Variants in ATXN1 observed in about 807,000 individuals in gnomAD.
ATXN1 encodes ataxin-1.
In ATXN1, 8 loss-of-function variants were observed where a neutral mutation model predicts 56.4. The observed-to-expected ratio is 0.14, with a 90% CI of 0.08 to 0.26. ATXN1 has a LOEUF of 0.26. Among genes scored for constraint, ATXN1 ranks in the 10% least tolerant of loss-of-function variants. ATXN1 has a pLI of 1.00. For synonymous variants in ATXN1, 514 were observed against 494.6 expected (o/e 1.04, Z -0.52); for missense variants, 987 against 1,106.5 (o/e 0.89, Z 1.53).
chr6:16,471,075 G>A (rs9477138), intron 6 of ATXN1, among the ~76,000 whole-genome samples: 2 of 151,974 alleles, frequency 1.3e-5, no homozygotes, highest in African/African-American at 2.4e-5. Flanking sequence ...AACAAACTGC[G>A]CCTACTTTGA....
chr6:16,730,487 G>GTGTATGTATATATATA (rs141836403), intron 2 of ATXN1, among the ~76,000 whole-genome samples: 1 of 132,060 alleles, frequency 7.6e-6, no homozygotes, highest in Admixed American at 7.7e-5. Flanking sequence ...AAAACAGTAT[G>GTGTATGTATATATATA]TATATATATA....
intron 6 of ATXN1, among the ~76,000 whole-genome samples, chr6:16,446,051 G>A: frequency 6.6e-6 from 1 of 151,724 alleles, no homozygotes; most frequent in Non-Finnish European, 1.5e-5. Flanking sequence ...TAATGGGATG[G>A]CTGGGTCAAA....
chr6:16,325,181 G>C (rs1427124484), intron 7 of ATXN1, among the ~76,000 whole-genome samples: 3 of 151,016 alleles, frequency 2.0e-5, no homozygotes. Flanking sequence ...GCAGTGGCCT[G>C]ATCTCGGCTC....
At chr6:16,452,330 C>A (rs530593099) in intron 6 of ATXN1, among the ~76,000 whole-genome samples, 2 of 152,248 alleles carry the variant, frequency 1.3e-5, no homozygotes, top group East Asian at 3.9e-4. Flanking sequence ...GTTACAAATA[C>A]GGTTCAGAAT....
chr6:16,613,271 CAAAA>C (rs765813165), intron 3 of ATXN1, among the ~76,000 whole-genome samples: 143 of 52,500 alleles, frequency 2.7e-3, no homozygotes, highest in African/African-American at 9.0e-3. Context: ...GACTCCGTCT[CAAAA>C]AAAAAAAAAA....
intron 6 of ATXN1, among the ~76,000 whole-genome samples, chr6:16,379,071 T>C (rs1762200367): frequency 6.6e-6 from 1 of 152,246 alleles, no homozygotes. Flanking sequence ...GATGGAATAC[T>C]ACTCAGCCAT....
Position 16,367,210 on chromosome 6 carries a change from G to C in ATXN1, c.-160-38740C>G, listed in dbSNP as rs147893117. ...AGTTGCTATTAATCATTGACATATT[G>C]ATAGTGTGGGGGTAACACTGCGTAT... On this transcript the variant is annotated intron_variant, in intron 6 of 7. Transcript: ENST00000436367. Among the ~76,000 whole-genome samples, 27 of 152,276 alleles carry C rather than the reference G, an allele frequency of 1.8e-4. No individual in the cohort carries two copies. In the East Asian group the frequency reaches 5.2e-3, roughly 29 times the overall value.
chr6:16,722,899 G>A (rs1486076194), intron 2 of ATXN1, among the ~76,000 whole-genome samples: 1 of 152,138 alleles, frequency 6.6e-6, no homozygotes, highest in Non-Finnish European at 1.5e-5. Context: ...GATCTGTTAT[G>A]TTTAAGAATT....
At chr6:16,694,493 G>T (rs965011832) in intron 2 of ATXN1, among the ~76,000 whole-genome samples, 7 of 152,050 alleles carry the variant, frequency 4.6e-5, no homozygotes, top group African/African-American at 1.7e-4. Flanking sequence ...TTCTTTAAAA[G>T]AAATTATGTC....
At chr6:16,407,811 A>G (rs1404658358) in intron 6 of ATXN1, among the ~76,000 whole-genome samples, 2 of 152,182 alleles carry the variant, frequency 1.3e-5, no homozygotes, top group African/African-American at 4.8e-5. Context: ...TGGCCTGTGA[A>G]GTGGATGGAT....
chr6:16,699,377 A>G (rs1271310743), intron 2 of ATXN1, among the ~76,000 whole-genome samples: 1 of 152,226 alleles, frequency 6.6e-6, no homozygotes, highest in East Asian at 1.9e-4. Flanking sequence ...AAATAAAAAT[A>G]AAAGGTAAAG....
intron 2 of ATXN1, among the ~76,000 whole-genome samples, chr6:16,692,136 G>C (rs557176775): frequency 6.6e-6 from 1 of 152,288 alleles, no homozygotes; most frequent in African/African-American, 2.4e-5. Context: ...CGCACCTGTA[G>C]TCCCAGCTAC....
chr6:16,713,590 A>G (rs1413592859), intron 2 of ATXN1, among the ~76,000 whole-genome samples: 3 of 152,232 alleles, frequency 2.0e-5, no homozygotes, highest in African/African-American at 4.8e-5. Flanking sequence ...CAGTGTGTGT[A>G]TATGAAGAAG....
At chr6:16,610,153 T>C (rs376665696) in intron 3 of ATXN1, among the ~76,000 whole-genome samples, 17 of 151,870 alleles carry the variant, frequency 1.1e-4, no homozygotes, top group African/African-American at 3.1e-4. Context: ...GAAGCCAACA[T>C]AGAGATAGCA....
At chr6:16,611,272 C>G (rs1763101061) in intron 3 of ATXN1, among the ~76,000 whole-genome samples, 1 of 152,150 alleles carries the variant, frequency 6.6e-6, no homozygotes, top group Non-Finnish European at 1.5e-5. Flanking sequence ...GGTCAGCCAG[C>G]TTCCTCACTT....
rs60084677 is a variant in ATXN1, at chr6:16,326,063, T to C, written c.1917+331A>G. Reference sequence around the variant, plus strand: ...GTGCCGAATGACCACTAGAAGGACCTGAAGTCCAGCAGCGTTTCCTAATCA... The same window carrying C: ...GTGCCGAATGACCACTAGAAGGACCCGAAGTCCAGCAGCGTTTCCTAATCA... On this transcript the variant is annotated intron_variant, in intron 7 of 7. Transcript: ENST00000436367. This position sits in a 1 kb window ranked among gnomAD's most constrained non-coding sequence, Gnocchi z 6.6. Among the ~76,000 whole-genome samples, 41,500 of 152,152 alleles carry C rather than the reference T, an allele frequency of 0.27. 6,537 individuals are homozygous for C. The highest frequency in any genetic ancestry group is 0.47 in the East Asian group (2,418 of 5,166).
chr6:16,364,226 G>C (rs1191506449), intron 6 of ATXN1, among the ~76,000 whole-genome samples: 2 of 152,102 alleles, frequency 1.3e-5, no homozygotes, highest in Non-Finnish European at 2.9e-5. Flanking sequence ...CTCATTTACA[G>C]AAAATAATTC....
At chr6:16,712,407 C>T (rs1239708710) in intron 2 of ATXN1, among the ~76,000 whole-genome samples, 1 of 152,032 alleles carries the variant, frequency 6.6e-6, no homozygotes, top group Non-Finnish European at 1.5e-5. Context: ...AAGTGAGAAA[C>T]GCCTAAGGCA....
intron 6 of ATXN1, among the ~76,000 whole-genome samples, chr6:16,404,450 C>T (rs1013271004): frequency 1.7e-4 from 26 of 152,276 alleles, no homozygotes; most frequent in Non-Finnish European, 2.8e-4. Context: ...AATGAGAGGG[C>T]GTCTGGTTCA....
Sources: allele counts gnomAD v4.1 joint callset (sites outside exome capture counted in the v4.1 genomes callset), GRCh38; gene constraint gnomAD v4.1.1; non-coding constraint Gnocchi (gnomAD v3.1); transcripts MANE v1.5; gene names NCBI Gene and HGNC (gene_info 2026-07-23, HGNC 2026-07-21).